Variants in MACF1 observed in about 807,000 individuals in gnomAD.
MACF1 encodes the protein microtubule actin crosslinking factor 1.
In MACF1, 193 loss-of-function variants were observed where a neutral mutation model predicts 854.8. That is an observed-to-expected ratio of 0.23 (90% confidence interval 0.20 to 0.25). The LOEUF (loss-of-function observed/expected upper bound fraction) is 0.25, where lower values mean the gene tolerates loss of function less well. Among genes scored for constraint, MACF1 ranks in the 10% least tolerant of loss-of-function variants. The probability of loss-of-function intolerance (pLI) is 1.00; values close to 1 mark genes in which losing one functional copy is unlikely to be tolerated. For synonymous variants in MACF1, 3,185 were observed against 3,226.7 expected, an observed-to-expected ratio of 0.99 and a Z score of 0.44; for missense variants, 7,722 against 8,929.1, an observed-to-expected ratio of 0.86 and a Z score of 5.45.
intron 2 of MACF1, among the ~76,000 whole-genome samples, chr1:39,186,327 G>A (rs908470314): frequency 6.7e-6 from 1 of 150,330 alleles, no homozygotes; most frequent in African/African-American, 2.5e-5. Flanking sequence ...GGAGTGCCGT[G>A]GCATGCTCGG....
At chr1:39,223,756 A>T (rs1174265526) in intron 1 of MACF1, among the ~76,000 whole-genome samples, 1 of 152,078 alleles carries the variant, frequency 6.6e-6, no homozygotes, top group Non-Finnish European at 1.5e-5. Flanking sequence ...ACCTCCAGTG[A>T]TCTGCCCGCT....
At chr1:39,195,650 A>G (rs763826001) in intron 2 of MACF1, among the ~76,000 whole-genome samples, 14 of 152,232 alleles carry the variant, frequency 9.2e-5, no homozygotes, top group Non-Finnish European at 1.9e-4. Flanking sequence ...AAGCTGGTCT[A>G]TAGAAATAGG....
intron 2 of MACF1, among the ~76,000 whole-genome samples, chr1:39,159,514 C>T (rs1643755663): frequency 6.6e-6 from 1 of 152,020 alleles, no homozygotes; most frequent in Non-Finnish European, 1.5e-5. Context: ...TTTGTAAGCC[C>T]ATTGTAAAGT....
chr1:39,305,221 A>C (rs1435376609), intron 23 of MACF1, among the ~76,000 whole-genome samples: 4 of 150,400 alleles, frequency 2.7e-5, no homozygotes, highest in African/African-American at 9.8e-5. Context: ...AGATAGTGCC[A>C]CTGCACTCCA....
chr1:39,439,543 T>C lies in MACF1; in HGVS notation c.18447+43T>C, dbSNP rs115097013. ...CCCTTTTTCTTAGGTGTCTGTCCTC[T>C]AGAAAAAGCACTTTATCAAATCAAA... On this transcript the variant is annotated intron_variant, in intron 72 of 100. Coordinates refer to ENST00000564288, the MANE Select transcript of MACF1 (RefSeq NM_001394062.1). 7.3e-4 allele frequency: 1,077 copies of C among 1,479,282 alleles called. 4 individuals carry two copies. The African/African-American group carries it at 0.012, about 17-fold the overall frequency. 91.6% of individuals were successfully genotyped at this position (1,479,282 alleles called of 1,614,324 possible).
intron 58 of MACF1, 23 bp from the exon 59 acceptor site, chr1:39,422,348 ATCT>A (rs1643575803): frequency 1.2e-6 from 2 of 1,608,288 alleles, no homozygotes; most frequent in South Asian, 1.1e-5. Context: ...TTTGTATTAA[ATCT>A]TCTTTGGCTT....
chr1:39,130,158 C>G (rs1483343802), intron 2 of MACF1, among the ~76,000 whole-genome samples: 1 of 152,152 alleles, frequency 6.6e-6, no homozygotes, highest in African/African-American at 2.4e-5. Context: ...TTTATTTTTC[C>G]CCCCCATTCA....
At chr1:39,325,521 G>A (rs935761820) in intron 35 of MACF1, among the ~76,000 whole-genome samples, 1 of 152,102 alleles carries the variant, frequency 6.6e-6, no homozygotes. Flanking sequence ...GGTCAAGAAG[G>A]GTTTTGTTTT....
chr1:39,419,866 G>T (rs945915864), intron 58 of MACF1, among the ~76,000 whole-genome samples: 1 of 148,804 alleles, frequency 6.7e-6, no homozygotes, highest in Non-Finnish European at 1.5e-5. Flanking sequence ...ACGAGGTTTC[G>T]CCTGTTGCCC....
intron 2 of MACF1, among the ~76,000 whole-genome samples, chr1:39,122,258 T>A (rs907674420): frequency 2.0e-5 from 3 of 149,898 alleles, no homozygotes; most frequent in Non-Finnish European, 4.5e-5. Flanking sequence ...TAATATTCTT[T>A]TTTTTTTTTT....
At chr1:39,189,336 T>G (rs1462326384) in intron 2 of MACF1, among the ~76,000 whole-genome samples, 1 of 152,202 alleles carries the variant, frequency 6.6e-6, no homozygotes, top group Non-Finnish European at 1.5e-5. Flanking sequence ...GTATCAAACT[T>G]TTGTTGCTAT....
chr1:39,267,396 A>G (rs1392313283), intron 6 of MACF1, among the ~76,000 whole-genome samples: 2 of 152,120 alleles, frequency 1.3e-5, no homozygotes, highest in Admixed American at 6.5e-5. Flanking sequence ...GTGCCCAGCT[A>G]ATTTTTTGTA....
intron 1 of MACF1, among the ~76,000 whole-genome samples, chr1:39,205,377 T>A (rs558432809): frequency 4.6e-5 from 7 of 152,236 alleles, no homozygotes; most frequent in Admixed American, 2.6e-4. Context: ...GCTGGTTAGA[T>A]GAGGTGATGA....
intron 71 of MACF1, 86 bp from the exon 72 acceptor site, chr1:39,439,188 G>T: frequency 1.5e-6 from 1 of 663,422 alleles, no homozygotes; most frequent in Non-Finnish European, 2.7e-6. Flanking sequence ...TCATTGAAAA[G>T]GTCAGAGTTA....
chr1:39,258,092 G>A (rs1227399233), intron 6 of MACF1, 64 bp downstream of exon 6: 1 of 1,252,726 alleles, frequency 8.0e-7, no homozygotes, highest in African/African-American at 1.5e-5. Context: ...AAGTTGCACT[G>A]CCTTCCACAG....
intron 2 of MACF1, among the ~76,000 whole-genome samples, chr1:39,100,747 G>C (rs902786716): frequency 1.3e-5 from 2 of 151,854 alleles, no homozygotes; most frequent in Non-Finnish European, 2.9e-5. Context: ...CCAGCTACTC[G>C]AGAGGCTGAG....
intron 1 of MACF1, among the ~76,000 whole-genome samples, chr1:39,214,871 T>C (rs1258574190): frequency 1.3e-5 from 2 of 152,212 alleles, no homozygotes; most frequent in African/African-American, 4.8e-5. Flanking sequence ...GAGCAAGTTG[T>C]TGGGCAATGG....
At position 39,370,174 on chromosome 1, in the gene MACF1, T is replaced by C. The variant is rs756706215; in HGVS notation, c.13083T>C (p.Ile4361=). ...SMSAKELEKQ[I]EHLKSLLDDW... ...GTGCTAAAGAGTTAGAAAAGCAGAT[T>C]GAACACCTGAAGGTAGGTGAACAAA... The change falls in exon 51 of 101, where the codon ATT becomes ATC. Residue 4361 remains isoleucine (I), a synonymous_variant. Transcript: ENST00000564288. 1.2e-5 allele frequency: 19 copies of C among 1,612,056 alleles called. No individual in the cohort carries two copies. Among genetic ancestry groups the C allele is most frequent in the Non-Finnish European group, 1.5e-5 (18 of 1,179,214 alleles).
At chr1:39,400,944 G>A (rs1642454689) in intron 58 of MACF1, among the ~76,000 whole-genome samples, 1 of 152,130 alleles carries the variant, frequency 6.6e-6, no homozygotes, top group Non-Finnish European at 1.5e-5. Flanking sequence ...TGAGGATAAA[G>A]TAAAATTAGT....
Sources: gnomAD v4.1 joint callset for allele counts (sites outside exome capture counted in the v4.1 genomes callset) on GRCh38, gnomAD v4.1.1 for gene constraint, MANE v1.5 for transcripts, NCBI Gene and HGNC (gene_info 2026-07-23, HGNC 2026-07-21) for gene names.